The following ZNF385D variants were observed in gnomAD, a reference collection of about 807,000 sequenced individuals.
ZNF385D encodes the protein zinc finger protein 385D, also known as zinc finger protein 659.
Under a neutral mutation model 35.8 loss-of-function variants are expected in ZNF385D, and 15 were observed. The observed-to-expected ratio is 0.42, with a 90% CI of 0.28 to 0.64. The LOEUF is 0.64. ZNF385D is among the 30% of genes least tolerant of loss of function. ZNF385D has a pLI of 0.23. For missense variants in ZNF385D, 474 were observed against 494.6 expected, an observed-to-expected ratio of 0.96 and a Z score of 0.39; for synonymous variants, 212 against 186.8, an observed-to-expected ratio of 1.13 and a Z score of -1.10.
chr3:21,855,705 A>G (rs1342298218), intron 3 of ZNF385D, among the ~76,000 whole-genome samples: 2 of 152,162 alleles, frequency 1.3e-5, no homozygotes, highest in South Asian at 4.2e-4. Flanking sequence ...GTTTGTGCTA[A>G]AAGGTACAGA....
Position 21,780,955 on chromosome 3 carries a change from A to G in ZNF385D, c.326-115927T>C, listed in dbSNP as rs759134871. On this transcript the variant is annotated intron_variant, in intron 3 of 5. Coordinates refer to the ZNF385D transcript ENST00000494108. ...TGTCTTCATAAGGCATCAACATAAA[A>G]TCTCCAAGTTTAGAGCTGACATAGC... is the stretch of plus-strand genomic sequence containing the variant. Among the ~76,000 whole-genome samples, 54 of 152,150 alleles carry G rather than the reference A, an allele frequency of 3.5e-4. 2 individuals carry two copies. The highest frequency in any genetic ancestry group is 2.3e-3 in the South Asian group (11 of 4,826).
intron 3 of ZNF385D, among the ~76,000 whole-genome samples, chr3:21,761,319 T>C (rs748457000): frequency 5.9e-5 from 9 of 152,236 alleles, no homozygotes; most frequent in Non-Finnish European, 8.8e-5. Flanking sequence ...TAAACCTTTA[T>C]TGTTGTTTTA....
intron 2 of ZNF385D, among the ~76,000 whole-genome samples, chr3:21,613,347 A>AC (rs1366779729): frequency 7.2e-5 from 11 of 152,046 alleles, no homozygotes; most frequent in African/African-American, 2.4e-4. Context: ...GAAGATAAAA[A>AC]AAAAAATGTC....
At chr3:21,890,149 A>G (rs573857607) in intron 3 of ZNF385D, among the ~76,000 whole-genome samples, 14 of 152,312 alleles carry the variant, frequency 9.2e-5, no homozygotes, top group African/African-American at 3.1e-4. Context: ...TTCAACCCAT[A>G]ACATCCTACA....
intron 4 of ZNF385D, among the ~76,000 whole-genome samples, chr3:21,497,105 A>G (rs1705959616): frequency 6.6e-6 from 1 of 152,202 alleles, no homozygotes; most frequent in Non-Finnish European, 1.5e-5. Context: ...AGAAGAATTC[A>G]AACTATCCCT....
At chr3:21,572,496 G>A (rs766430671) in intron 2 of ZNF385D, among the ~76,000 whole-genome samples, 1 of 152,122 alleles carries the variant, frequency 6.6e-6, no homozygotes, top group Non-Finnish European at 1.5e-5. Flanking sequence ...ACTTTAAAGT[G>A]AAGGACATAG....
intron 3 of ZNF385D, among the ~76,000 whole-genome samples, chr3:21,523,105 G>T (rs1470490872): frequency 2.0e-5 from 3 of 152,220 alleles, no homozygotes; most frequent in Admixed American, 6.5e-5. Flanking sequence ...GTCAGGTAGT[G>T]AGCTGAAGGC....
intron 4 of ZNF385D, among the ~76,000 whole-genome samples, chr3:21,437,613 C>A (rs1164974505): frequency 1.4e-5 from 2 of 142,624 alleles, no homozygotes; most frequent in Non-Finnish European, 3.0e-5. Flanking sequence ...TTTGATTTTT[C>A]TTTACTACTT....
At position 21,738,843 on chromosome 3, in the gene ZNF385D, G is replaced by A. The variant is rs965501808; in HGVS notation, c.22+12052C>T. On this transcript the variant is annotated intron_variant, in intron 1 of 7. Coordinates refer to ENST00000281523, the MANE Select transcript of ZNF385D (RefSeq NM_024697.3). ...ATTATGTTGGGTCCTTTCTGCAATT[G>A]CATTTTATACTTAAAGAAAGCAAGA... is the stretch of plus-strand genomic sequence containing the variant. 2.6e-5 allele frequency among the ~76,000 whole-genome samples: 4 copies of A among 152,108 alleles called. 1 individual carries two copies. The highest frequency in any genetic ancestry group is 7.2e-5 in the African/African-American group (3 of 41,422).
Position 21,816,433 on chromosome 3 carries a change from A to G in ZNF385D, c.326-151405T>C, listed in dbSNP as rs553972028. On this transcript the variant is annotated intron_variant, in intron 3 of 5. Coordinates refer to the ZNF385D transcript ENST00000494108. ...CATGATTGTATATCTAGAAAACCCC[A>G]TTGTCTCAGCCCAAAATCTCCTTAA... Among the ~76,000 whole-genome samples the G allele has an allele frequency of 5.3e-5, 8 of 152,320 alleles. No individual in the cohort carries two copies. The Middle Eastern group carries it at 0.014, about 259-fold the overall frequency.
At chr3:21,855,910 G>A (rs778728453) in intron 3 of ZNF385D, among the ~76,000 whole-genome samples, 2 of 151,800 alleles carry the variant, frequency 1.3e-5, no homozygotes, top group African/African-American at 4.8e-5. Flanking sequence ...TTTAGAGGTG[G>A]TAGCTAATAA....
Position 21,784,540 on chromosome 3 carries a change from T to C in ZNF385D, c.326-119512A>G, listed in dbSNP as rs75309848. Among the ~76,000 whole-genome samples, 334 of 152,220 alleles carry C rather than the reference T, an allele frequency of 2.2e-3. 2 individuals are homozygous for C. The highest frequency in any genetic ancestry group is 7.7e-3 in the African/African-American group (321 of 41,540). ...TTAGATAGAGAAAAATTATGCCTGA[T>C]TAGGGCATAGACTAGGTGAGGGCAG... On this transcript the variant is annotated intron_variant, in intron 3 of 5. Transcript: ENST00000494108.
intron 1 of ZNF385D, among the ~76,000 whole-genome samples, chr3:21,706,442 G>A (rs1354529944): frequency 6.6e-6 from 1 of 152,110 alleles, no homozygotes; most frequent in East Asian, 1.9e-4. Flanking sequence ...AGTGATGCCA[G>A]GAATTAATTT....
At chr3:21,616,485 C>A (rs1354205336) in intron 2 of ZNF385D, among the ~76,000 whole-genome samples, 19 of 152,116 alleles carry the variant, frequency 1.2e-4, no homozygotes, top group Admixed American at 1.2e-3. Flanking sequence ...GGTTGGGGGA[C>A]CTTCTACTAT....
intron 2 of ZNF385D, among the ~76,000 whole-genome samples, chr3:22,188,247 A>G (rs538627386): frequency 9.2e-5 from 14 of 152,286 alleles, no homozygotes; most frequent in African/African-American, 2.9e-4. Flanking sequence ...GTAGTTTCAT[A>G]AGATACTGCT....
intron 4 of ZNF385D, among the ~76,000 whole-genome samples, chr3:21,449,851 T>A (rs968882809): frequency 1.3e-5 from 2 of 152,160 alleles, no homozygotes; most frequent in Admixed American, 1.3e-4. Flanking sequence ...AGTCCAGGAC[T>A]GAATGTGTTG....
intron 2 of ZNF385D, among the ~76,000 whole-genome samples, chr3:22,216,870 C>T (rs1318557156): frequency 6.6e-6 from 1 of 152,104 alleles, no homozygotes; most frequent in African/African-American, 2.4e-5. Context: ...CCTAATTCTT[C>T]ATTTTATTTT....
At chr3:21,740,438 A>G (rs1290916804) in intron 1 of ZNF385D, among the ~76,000 whole-genome samples, 1 of 152,188 alleles carries the variant, frequency 6.6e-6, no homozygotes, top group Non-Finnish European at 1.5e-5. Context: ...AGTTTTGGGA[A>G]GCAAGATTTC....
chr3:22,332,073 AGTT>A (rs1402503786), intron 2 of ZNF385D, among the ~76,000 whole-genome samples: 9 of 152,184 alleles, frequency 5.9e-5, no homozygotes, highest in African/African-American at 9.6e-5. Context: ...AAGTTGAACC[AGTT>A]GTTAACATTT....
Sources: gnomAD v4.1 joint callset for allele counts (sites outside exome capture counted in the v4.1 genomes callset) on GRCh38, gnomAD v4.1.1 for gene constraint, MANE v1.5 for transcripts, NCBI Gene and HGNC (gene_info 2026-07-23, HGNC 2026-07-21) for gene names.